CDKL3: variants seen among roughly 807,000 people sequenced by gnomAD.
The protein encoded by CDKL3 is cyclin-dependent kinase-like 3.
CDKL3 carries 65 observed loss-of-function variants against 69.3 expected under a neutral mutation model. The ratio of observed to expected loss-of-function variants is 0.94; its 90% CI spans 0.77 to 1.15. The LOEUF (loss-of-function observed/expected upper bound fraction) is 1.15, where lower values mean the gene tolerates loss of function less well. CDKL3 is among the 50% of genes most tolerant of loss of function. The pLI is 0.00. For missense variants in CDKL3, 652 were observed against 689.2 expected (o/e 0.95, Z 0.61); for synonymous variants, 202 against 221.6 (o/e 0.91, Z 0.79).
intron 7 of CDKL3, among the ~76,000 whole-genome samples, chr5:134,309,691 C>T (rs2149447523): frequency 6.6e-6 from 1 of 152,266 alleles, no homozygotes; most frequent in South Asian, 2.1e-4. Context: ...CTTCCCTAGT[C>T]CAGCCCACTC....
chr5:134,349,391 G>A (rs1752696346), intron 4 of CDKL3, among the ~76,000 whole-genome samples: 1 of 152,114 alleles, frequency 6.6e-6, no homozygotes, highest in Non-Finnish European at 1.5e-5. Flanking sequence ...TACTTTTGAA[G>A]TAATTCTCCT....
At chr5:134,327,156 T>C (rs191450001) in intron 4 of CDKL3, among the ~76,000 whole-genome samples, 1 of 151,992 alleles carries the variant, frequency 6.6e-6, no homozygotes, top group Admixed American at 6.6e-5. Context: ...GGGTGATTAG[T>C]GTCAAGAGGA....
rs771084476 is a variant in CDKL3 at position 134,350,416 on chromosome 5, T to G, written c.372A>C (p.Arg124=). The G allele has an allele frequency of 3.2e-6, 5 of 1,544,888 alleles. No homozygotes were observed. In the African/African-American group the frequency reaches 4.1e-5, roughly 13 times the overall value. Residue 124 remains arginine (R), a synonymous_variant, in exon 4 of 13, where the codon CGA becomes CGC. Coordinates refer to ENST00000265334, the MANE Select transcript of CDKL3 (RefSeq NM_001113575.2). ...DYLHSNNIIH[R]DIKPENILVS... ...CTAAAATATTCTCAGGTTTTATATC[T>G]CGATGAATGATCTAAAAAACAAACA...
At chr5:134,331,902 A>G (rs1468845755) in intron 4 of CDKL3, among the ~76,000 whole-genome samples, 1 of 152,116 alleles carries the variant, frequency 6.6e-6, no homozygotes, top group Non-Finnish European at 1.5e-5. Context: ...AGGTTGAAAT[A>G]ATTTACACTC....
At chr5:134,359,612 T>A (rs1755510455) in intron 3 of CDKL3, among the ~76,000 whole-genome samples, 1 of 152,138 alleles carries the variant, frequency 6.6e-6, no homozygotes, top group South Asian at 2.1e-4. Context: ...CTTTCTCTAA[T>A]AATAGTGCTC....
At chr5:134,348,950 G>A (rs1264062821) in intron 4 of CDKL3, among the ~76,000 whole-genome samples, 1 of 152,062 alleles carries the variant, frequency 6.6e-6, no homozygotes, top group Non-Finnish European at 1.5e-5. Context: ...GGGTATCAAC[G>A]GTAGGTACAG....
intron 3 of CDKL3, among the ~76,000 whole-genome samples, chr5:134,356,402 A>G (rs1232556363): frequency 2.0e-5 from 3 of 152,142 alleles, no homozygotes; most frequent in African/African-American, 7.2e-5. Flanking sequence ...ACAGAATGGT[A>G]TTGGTTGTGG....
Position 134,350,833 on chromosome 5 carries a change from AAAAAAAAAAAAG to A in CDKL3, c.361-418_361-407del, listed in dbSNP as rs796412360. The stretch of plus-strand genomic sequence containing the variant: ...TGTCTCTAAAAAAAGAAAAAAAAGA[AAAAAAAAAAAAG>A]AAAAAAAGAAAGAAAAAAGAAAGAA... On this transcript the variant is annotated intron_variant, in intron 3 of 12. Transcript: ENST00000265334. Among the ~76,000 whole-genome samples the A allele has an allele frequency of 4.5e-3, 487 of 108,974 alleles. 3 individuals carry two copies. The highest frequency in any genetic ancestry group is 0.021 in the African/African-American group (471 of 22,674). The allele number at this position is 108,974 out of a possible 152,430, so 71.5% of individuals were successfully genotyped here.
rs1164800558 is a variant in CDKL3 at position 134,326,817 on chromosome 5, GTATA to G, written c.540-4918_540-4915del. 2.3e-3 allele frequency among the ~76,000 whole-genome samples: 275 copies of G among 120,402 alleles called. 10 individuals are homozygous for G. Among genetic ancestry groups the G allele is most frequent in the Middle Eastern group, 0.013 (3 of 228 alleles). The allele number at this position is 120,402 out of a possible 152,430, so 79.0% of individuals were successfully genotyped here. A position where few individuals can be genotyped will look rare whatever the true frequency, so the allele number is the denominator to read the frequency against. ...TGTGTGTATATATATATATGTGTGT[GTATA>G]TATATATATATATATATATATATAT... On this transcript the variant is annotated intron_variant, in intron 4 of 12. Coordinates refer to ENST00000265334, the MANE Select transcript of CDKL3 (RefSeq NM_001113575.2).
chr5:134,319,619 T>A, intron 5 of CDKL3, 122 bp from the exon 6 acceptor site: 1 of 918,914 alleles, frequency 1.1e-6, no homozygotes, highest in Non-Finnish European at 1.6e-6. Context: ...ATGTGAATTA[T>A]GTATTTTAAT....
chr5:134,360,524 C>G (rs1010404677), intron 2 of CDKL3, among the ~76,000 whole-genome samples: 7 of 152,286 alleles, frequency 4.6e-5, no homozygotes, highest in Admixed American at 2.6e-4. Context: ...TGCATTTCAA[C>G]TGAAATTTCT....
chr5:134,298,711 C>T lies in CDKL3; in HGVS notation c.1720-1G>A, dbSNP rs1196450950. 6.2e-7 allele frequency: 1 copy of T among 1,611,806 alleles called. No individual in the cohort carries two copies. Among genetic ancestry groups the T allele is most frequent in the Admixed American group, 1.7e-5 (1 of 59,658 alleles). On this transcript the variant is annotated splice_acceptor_variant, in intron 12 of 12. Coordinates refer to ENST00000265334, the MANE Select transcript of CDKL3 (RefSeq NM_001113575.2). LOFTEE classifies it high-confidence loss of function. ...TCCCCTCGCAATGGCCATCTCCACC[C>T]TAAAATTAGAAACCAAGCTAGTAAG...
chr5:134,350,406 G>A lies in CDKL3; in HGVS notation c.382C>T (p.Pro128Ser). 1 of 1,561,068 alleles carries A rather than the reference G, an allele frequency of 6.4e-7. No homozygotes were observed. The highest frequency in any genetic ancestry group is 8.7e-7 in the Non-Finnish European group (1 of 1,151,624). The change falls in exon 4 of 13, where the codon CCT becomes TCT. Residue 128 changes from proline to serine, a missense_variant. By Grantham distance (74) the Pro-to-Ser change is moderately conservative (BLOSUM62 -1). Coordinates refer to ENST00000265334, the MANE Select transcript of CDKL3 (RefSeq NM_001113575.2). Reference sequence around the variant, plus strand: ...GACTGGGATACTAAAATATTCTCAGGTTTTATATCTCGATGAATGATCTAA... The same window carrying A: ...GACTGGGATACTAAAATATTCTCAGATTTTATATCTCGATGAATGATCTAA... ...SNNIIHRDIK[P>S]ENILVSQSGI...
At chr5:134,286,164 A>G (rs1764850601), downstream of CDKL3, among the ~76,000 whole-genome samples, 1 of 152,086 alleles carries the variant, frequency 6.6e-6, no homozygotes, top group African/African-American at 2.4e-5. Flanking sequence ...TTCTTCCACC[A>G]GTTACCCTAA....
upstream of CDKL3, among the ~76,000 whole-genome samples, chr5:134,369,891 G>A (rs1275793220): frequency 6.6e-6 from 1 of 152,154 alleles, no homozygotes; most frequent in Non-Finnish European, 1.5e-5. Context: ...TTTTCTCCAT[G>A]TAACCCTACC....
chr5:134,290,462 C>A (rs974730829), intron 8 of CDKL3, among the ~76,000 whole-genome samples: 1 of 150,550 alleles, frequency 6.6e-6, no homozygotes, highest in Non-Finnish European at 1.5e-5. Context: ...AAGGAAACAG[C>A]AAGAGCAAAG....
chr5:134,289,750 C>T lies in CDKL3; in HGVS notation c.*678-3191G>A, dbSNP rs545754023. ...GGAGGAGACTATGATAATCTGACTT[C>T]GAAGAGAATTTCAGGATCATCCTCA... On this transcript the variant is annotated intron_variant and NMD_transcript_variant, in intron 8 of 8. Transcript: ENST00000519312. Among the ~76,000 whole-genome samples the T allele has an allele frequency of 5.3e-4, 81 of 152,174 alleles. No individual in the cohort carries two copies. In the South Asian group the frequency reaches 0.015, roughly 28 times the overall value.
intron 11 of CDKL3, among the ~76,000 whole-genome samples, chr5:134,303,677 C>G (rs545775864): frequency 1.5e-4 from 22 of 148,792 alleles, no homozygotes; most frequent in Admixed American, 1.3e-3. Context: ...AACCCCCCCC[C>G]CGTCTCTACT....
Position 134,298,893 on chromosome 5 carries a change from G to A in CDKL3, c.1720-183C>T, listed in dbSNP as rs566464337. On this transcript the variant is annotated intron_variant, in intron 12 of 12. Transcript: ENST00000265334. ...CATCTTTTTTTTTGCGGGGGGCAGC[G>A]GGATGGAGTCTCGCTCTGTGCTCAG... 3.3e-5 allele frequency among the ~76,000 whole-genome samples: 5 copies of A among 152,114 alleles called. No individual in the cohort carries two copies. In the East Asian group the frequency reaches 5.8e-4, roughly 18 times the overall value.
Sources: allele counts gnomAD v4.1 joint callset (sites outside exome capture counted in the v4.1 genomes callset), GRCh38; gene constraint gnomAD v4.1.1; transcripts MANE v1.5; gene names NCBI Gene and HGNC (gene_info 2026-07-23, HGNC 2026-07-21).